Variants in NWD1 observed in about 807,000 individuals in gnomAD.
NWD1 encodes NACHT domain- and WD repeat-containing protein 1.
A neutral mutation model predicts 135.1 loss-of-function variants in NWD1; 129 were observed. The observed-to-expected ratio is 0.96, with a 90% CI of 0.83 to 1.11. The LOEUF is 1.11. Ranked by LOEUF, NWD1 falls within the 50% of genes least tolerant of loss-of-function variation. The pLI is 0.00. For missense variants in NWD1, 1,740 were observed against 1,851.3 expected, an observed-to-expected ratio of 0.94 and a Z score of 1.10; for synonymous variants, 773 against 786.0, an observed-to-expected ratio of 0.98 and a Z score of 0.28.
chr19:16,809,220 A>C (rs1300939369), intron 18 of NWD1, among the ~76,000 whole-genome samples: 1 of 151,576 alleles, frequency 6.6e-6, no homozygotes. Context: ...AGTAGCTGGG[A>C]TTACAGATAA....
chr19:16,749,557 C>T lies in NWD1; in HGVS notation c.915C>T (p.Ser305=), dbSNP rs1968472573. 6.2e-7 allele frequency: 1 copy of T among 1,613,382 alleles called. No homozygotes were observed. The highest frequency in any genetic ancestry group is 1.3e-5 in the African/African-American group (1 of 74,916). ...AGATCCGCCACCACCTTTGGCAGAG[C>T]TCGGAGGTCATTCAGACCTTCTGCG... is the stretch of plus-strand genomic sequence containing the variant. ...YQEIRHHLWQ[S]SEVIQTFCGR... The change falls in exon 6 of 19, where the codon AGC becomes AGT. Residue 305 remains serine, a synonymous_variant. Coordinates refer to ENST00000524140, the MANE Select transcript of NWD1 (RefSeq NM_001007525.5).
rs1967831418 is a variant in NWD1 at position 16,736,647 on chromosome 19, G to GGTGGGGTATT, written c.96_105dup (p.Arg36ValfsTer7). ...TCTATTTCCCAGGTCGTTGATCTGA[G>GGTGGGGTATT]GTGGGGTATTCGGAACATTGAAGCC... is the stretch of plus-strand genomic sequence containing the variant. On this transcript the variant is annotated frameshift_variant, in exon 4 of 19. Transcript: ENST00000524140. LOFTEE classifies it high-confidence loss of function. 6.5e-7 allele frequency: 1 copy of GGTGGGGTATT among 1,533,966 alleles called. No individual in the cohort carries two copies. The highest frequency in any genetic ancestry group is 1.4e-5 in the African/African-American group (1 of 73,128).
At chr19:16,721,212 A>G (rs994348453) in intron 1 of NWD1, among the ~76,000 whole-genome samples, 1 of 151,816 alleles carries the variant, frequency 6.6e-6, no homozygotes, top group Non-Finnish European at 1.5e-5. Context: ...GTTGAAATCT[A>G]GTGGGTGGGG....
At chr19:16,757,895 T>C (rs1968857162) in intron 6 of NWD1, among the ~76,000 whole-genome samples, 1 of 151,898 alleles carries the variant, frequency 6.6e-6, no homozygotes, top group South Asian at 2.1e-4. Context: ...CTACTAAAAA[T>C]ACAAAAATTA....
At position 16,800,019 on chromosome 19, in the gene NWD1, A is replaced by T; in HGVS notation, c.3593A>T (p.Asp1198Val). ...SPQSSSFKVW[D>V]LSDAHRSRVP... Reference sequence around the variant, plus strand: ...CAGTCCTCATCTTTCAAGGTCTGGGATCTCAGCGATGCTCATAGGTCCCGG... The same window carrying T: ...CAGTCCTCATCTTTCAAGGTCTGGGTTCTCAGCGATGCTCATAGGTCCCGG... The change falls in exon 17 of 19, where the codon GAT (aspartate) becomes GTT (valine). Residue 1198 changes from aspartate to valine, a missense_variant. Coordinates refer to ENST00000524140, the MANE Select transcript of NWD1 (RefSeq NM_001007525.5). 6.2e-7 allele frequency: 1 copy of T among 1,614,154 alleles called. No individual in the cohort carries two copies. Among genetic ancestry groups the T allele is most frequent in the Non-Finnish European group, 8.5e-7 (1 of 1,180,026 alleles).
At chr19:16,797,595 G>T in intron 15 of NWD1, 137 bp from the exon 16 acceptor site, 1 of 729,702 alleles carries the variant, frequency 1.4e-6, no homozygotes, top group Non-Finnish European at 2.3e-6. Context: ...TGATCTGCCC[G>T]CCTTGGCGTC....
At chr19:16,733,566 G>A (rs1461598409) in intron 3 of NWD1, among the ~76,000 whole-genome samples, 1 of 149,482 alleles carries the variant, frequency 6.7e-6, no homozygotes, top group Non-Finnish European at 1.5e-5. Flanking sequence ...AAAAAGAAAA[G>A]AAAAGGAAAA....
intron 18 of NWD1, among the ~76,000 whole-genome samples, chr19:16,810,344 A>T (rs914229807): frequency 3.3e-4 from 50 of 150,406 alleles, no homozygotes; most frequent in African/African-American, 1.0e-3. Context: ...AGGCCGAGGC[A>T]GGAGAATCAC....
At chr19:16,765,325 C>A in intron 10 of NWD1, 133 bp downstream of exon 10, 1 of 918,530 alleles carries the variant, frequency 1.1e-6, no homozygotes, top group Non-Finnish European at 1.6e-6. Context: ...TGAATTTTCC[C>A]CCAGCAGTGC....
At chr19:16,781,125 A>G (rs1479809432) in intron 12 of NWD1, among the ~76,000 whole-genome samples, 1 of 152,108 alleles carries the variant, frequency 6.6e-6, no homozygotes, top group Non-Finnish European at 1.5e-5. Context: ...TTCTGTAATC[A>G]ATTGTTGAGT....
At chr19:16,811,651 C>T (rs376271090) in intron 18 of NWD1, among the ~76,000 whole-genome samples, 6 of 151,738 alleles carry the variant, frequency 4.0e-5, no homozygotes, top group African/African-American at 1.5e-4. Flanking sequence ...TTGAGTCCTA[C>T]AATTGTTCCT....
rs146889704 is a variant in NWD1, at chr19:16,807,837, G to A, written c.3988G>A (p.Gly1330Arg). 100 of 1,613,948 alleles carry A rather than the reference G, an allele frequency of 6.2e-5. No individual in the cohort carries two copies. The highest frequency in any genetic ancestry group is 5.2e-4 in the African/African-American group (39 of 74,894). Residue 1330 changes from glycine to arginine, a missense_variant, in exon 18 of 19, where the codon GGG (glycine) becomes AGG (arginine). Physicochemically the swap from Gly to Arg is moderately radical, Grantham distance 125. Coordinates refer to ENST00000524140, the MANE Select transcript of NWD1 (RefSeq NM_001007525.5). ...NIVLVLDITSGDPCPVIDGPR... is the reference protein window; with the variant it reads ...NIVLVLDITSRDPCPVIDGPR... ...CGTCCTGGTGCTGGACATCACCTCCGGGGACCCCTGCCCGGTCATCGATGG... is the reference window on the plus strand; with the variant it reads ...CGTCCTGGTGCTGGACATCACCTCCAGGGACCCCTGCCCGGTCATCGATGG...
At chr19:16,780,816 C>A (rs946146663) in intron 12 of NWD1, among the ~76,000 whole-genome samples, 1 of 152,060 alleles carries the variant, frequency 6.6e-6, no homozygotes, top group East Asian at 1.9e-4. Context: ...CACCACCACA[C>A]CTGGCTGATT....
At position 16,763,891 on chromosome 19, in the gene NWD1, C is replaced by A; in HGVS notation, c.2197C>A (p.Pro733Thr). The change falls in exon 9 of 19, where the codon CCC becomes ACC. Residue 733 changes from proline (P) to threonine (T), a missense_variant. Coordinates refer to ENST00000524140, the MANE Select transcript of NWD1 (RefSeq NM_001007525.5). ...AAACCTGCGGAAGCTGAAGGAGTTG[C>A]CCTATCACCTGCTTCACTCGGGCCG... The part of the protein sequence containing the change: ...VANLRKLKEL[P>T]YHLLHSGRLE... 1 of 1,613,932 alleles carries A rather than the reference C, an allele frequency of 6.2e-7. No homozygotes were observed. The highest frequency in any genetic ancestry group is 1.1e-5 in the South Asian group (1 of 91,074).
intron 17 of NWD1, chr19:16,801,351 A>G (rs561485899): frequency 6.6e-6 from 1 of 152,360 alleles, no homozygotes; most frequent in Non-Finnish European, 1.5e-5. Flanking sequence ...AGGTGGGAGG[A>G]TCGCTTGAGC....
At chr19:16,791,289 C>A in intron 13 of NWD1, 61 bp from the exon 14 acceptor site, 2 of 1,495,366 alleles carry the variant, frequency 1.3e-6, no homozygotes, top group South Asian at 1.2e-5. Context: ...CATTTGACTC[C>A]GGGAAACTTG....
At chr19:16,782,861 C>CTTCT (rs34577966) in intron 12 of NWD1, among the ~76,000 whole-genome samples, 139 of 148,130 alleles carry the variant, frequency 9.4e-4, no homozygotes, top group East Asian at 4.8e-3. Context: ...CTTCCTTTTC[C>CTTCT]TTCTTTCTTT....
intron 6 of NWD1, among the ~76,000 whole-genome samples, chr19:16,755,996 A>G (rs1028085921): frequency 6.6e-6 from 1 of 152,190 alleles, no homozygotes. Flanking sequence ...TACCAGTAAC[A>G]TAAATGGTCG....
chr19:16,755,156 C>T lies in NWD1; in HGVS notation c.1770-4069C>T, dbSNP rs180807053. On this transcript the variant is annotated intron_variant, in intron 6 of 18. Transcript: ENST00000524140. ...AGTCATTTATAATCAATCAATAAAT[C>T]TCTATATCTATCTCTCTATTTCTCA... Among the ~76,000 whole-genome samples the T allele has an allele frequency of 7.4e-3, 1,120 of 152,092 alleles. 8 individuals are homozygous for T. Among genetic ancestry groups the T allele is most frequent in the Non-Finnish European group, 0.011 (768 of 68,004 alleles).
Sources: gnomAD v4.1 joint callset for allele counts (sites outside exome capture counted in the v4.1 genomes callset) on GRCh38, gnomAD v4.1.1 for gene constraint, MANE v1.5 for transcripts, NCBI Gene and HGNC (gene_info 2026-07-23, HGNC 2026-07-21) for gene names.